Variants in ARHGAP15 observed in about 807,000 individuals in gnomAD.
ARHGAP15 encodes Rho GTPase activating protein 15.
In ARHGAP15, 51 loss-of-function variants were observed where a neutral mutation model predicts 63.7. The ratio of observed to expected loss-of-function variants is 0.80; its 90% CI spans 0.64 to 1.01. The LOEUF (loss-of-function observed/expected upper bound fraction) is 1.01. Ranked by LOEUF, ARHGAP15 falls within the 50% of genes least tolerant of loss-of-function variation. The probability of loss-of-function intolerance (pLI) is 0.00; values close to 1 mark genes in which losing one functional copy is unlikely to be tolerated. For missense variants in ARHGAP15, 560 were observed against 564.6 expected, an observed-to-expected ratio of 0.99 and a Z score of 0.08; for synonymous variants, 191 against 193.8, an observed-to-expected ratio of 0.99 and a Z score of 0.12.
intron 6 of ARHGAP15, among the ~76,000 whole-genome samples, chr2:143,338,255 C>T (rs1684895968): frequency 6.6e-6 from 1 of 152,082 alleles, no homozygotes; most frequent in South Asian, 2.1e-4. Context: ...CTGTAGTAAC[C>T]TGCCTTGAAA....
chr2:143,418,717 T>A (rs1996445), intron 6 of ARHGAP15, among the ~76,000 whole-genome samples: 135,118 of 152,228 alleles, frequency 0.89, 60,384 homozygotes, highest in Middle Eastern at 0.97. Flanking sequence ...AATAAGGTTG[T>A]CCCATGAACA....
intron 6 of ARHGAP15, among the ~76,000 whole-genome samples, chr2:143,435,068 C>A (rs2105088082): frequency 6.6e-6 from 1 of 152,094 alleles, no homozygotes; most frequent in South Asian, 2.1e-4. Flanking sequence ...TCCTATAGAT[C>A]TCTGATAAGA....
intron 1 of ARHGAP15, among the ~76,000 whole-genome samples, chr2:143,144,714 T>C (rs1306840658): frequency 3.3e-5 from 5 of 152,020 alleles, no homozygotes; most frequent in African/African-American, 1.2e-4. Context: ...CTCATTTATC[T>C]CTCACTATTT....
chr2:143,631,345 G>T (rs1699062553), intron 12 of ARHGAP15, among the ~76,000 whole-genome samples: 1 of 152,058 alleles, frequency 6.6e-6, no homozygotes, highest in South Asian at 2.1e-4. Context: ...ATACTTAGAA[G>T]TGGAGAGCTG....
rs1168689339 is a variant in ARHGAP15 at position 143,343,694 on chromosome 2, A to C, written c.475-91907A>C. Among the ~76,000 whole-genome samples the C allele has an allele frequency of 3.3e-5, 5 of 152,066 alleles. No homozygotes were observed. In the East Asian group the frequency reaches 9.7e-4, roughly 29 times the overall value. On this transcript the variant is annotated intron_variant, in intron 6 of 13. Coordinates refer to ENST00000295095, the MANE Select transcript of ARHGAP15 (RefSeq NM_018460.4). ...TAAATATTGACAGATTGAGAAAATA[A>C]ATAACTGAGTGATGGAGCAGCTCTA...
At chr2:143,697,611 T>C (rs1683909695) in intron 12 of ARHGAP15, among the ~76,000 whole-genome samples, 1 of 152,184 alleles carries the variant, frequency 6.6e-6, no homozygotes, top group South Asian at 2.1e-4. Context: ...TTGAAGCATG[T>C]GTATATTTGT....
At chr2:143,679,707 G>A (rs547977257) in intron 12 of ARHGAP15, among the ~76,000 whole-genome samples, 8 of 151,794 alleles carry the variant, frequency 5.3e-5, no homozygotes, top group African/African-American at 1.5e-4. Flanking sequence ...GCAAGCTTAG[G>A]TCCTCAGGTG....
chr2:143,256,899 C>A (rs897719766), intron 6 of ARHGAP15, among the ~76,000 whole-genome samples: 3 of 151,936 alleles, frequency 2.0e-5, no homozygotes, highest in African/African-American at 7.2e-5. Context: ...TTAGCTTTGA[C>A]TGATGAAAGG....
Position 143,261,300 on chromosome 2 carries a change from GACAGCTGT to G in ARHGAP15, c.474+10702_474+10709del, listed in dbSNP as rs1680702432. On this transcript the variant is annotated intron_variant, in intron 6 of 13. Transcript: ENST00000295095. ...TGTTTATGCTAAATTTTATGACAGT[GACAGCTGT>G]ATCTTGGAGGAATGACCTTTTTTTT... 2.0e-5 allele frequency among the ~76,000 whole-genome samples: 3 copies of G among 146,886 alleles called. No homozygotes were observed. In the South Asian group the frequency reaches 6.6e-4, roughly 32 times the overall value.
At chr2:143,592,526 T>TA (rs1697359959) in intron 11 of ARHGAP15, among the ~76,000 whole-genome samples, 1 of 152,166 alleles carries the variant, frequency 6.6e-6, no homozygotes, top group Admixed American at 6.5e-5. Flanking sequence ...GAAAGAGAAT[T>TA]GGAGAGTGGA....
chr2:143,395,819 G>A (rs886349294), intron 6 of ARHGAP15, among the ~76,000 whole-genome samples: 1 of 152,096 alleles, frequency 6.6e-6, no homozygotes, highest in Admixed American at 6.6e-5. Context: ...GAGGTAGACA[G>A]AAACGTAATA....
intron 2 of ARHGAP15, among the ~76,000 whole-genome samples, chr2:143,183,743 A>G (rs1218181057): frequency 2.7e-5 from 4 of 149,600 alleles, no homozygotes; most frequent in African/African-American, 9.8e-5. Flanking sequence ...TTTTAAAGCT[A>G]AAGATGAAAT....
chr2:143,451,852 A>C (rs938572714), intron 8 of ARHGAP15, among the ~76,000 whole-genome samples: 1 of 151,962 alleles, frequency 6.6e-6, no homozygotes, highest in African/African-American at 2.4e-5. Context: ...TCTCTTCTTT[A>C]CAAGTGTAGT....
At chr2:143,222,412 A>G (rs1558823327) in intron 4 of ARHGAP15, among the ~76,000 whole-genome samples, 2 of 152,158 alleles carry the variant, frequency 1.3e-5, no homozygotes, top group African/African-American at 4.8e-5. Flanking sequence ...TTGGTTTGCC[A>G]CTCTGTCATT....
intron 6 of ARHGAP15, among the ~76,000 whole-genome samples, chr2:143,252,969 T>A (rs114421794): frequency 1.2e-4 from 19 of 152,176 alleles, no homozygotes; most frequent in African/African-American, 4.6e-4. Context: ...ATGTGTGCAA[T>A]GGTTTCATTA....
chr2:143,248,126 TAGG>T (rs568779043), intron 5 of ARHGAP15, among the ~76,000 whole-genome samples: 74 of 152,180 alleles, frequency 4.9e-4, no homozygotes, highest in African/African-American at 1.7e-3. Flanking sequence ...TAATTTCAGT[TAGG>T]AGGAGGGCTG....
chr2:143,413,927 T>TTG (rs1553476588), intron 6 of ARHGAP15, among the ~76,000 whole-genome samples: 9,375 of 127,926 alleles, frequency 0.073, 506 homozygotes, highest in Admixed American at 0.14. Flanking sequence ...AGGTAGGTAG[T>TTG]TGTGTGTGTG....
intron 5 of ARHGAP15, chr2:143,235,895 A>C: frequency 2.6e-6 from 4 of 1,519,294 alleles, no homozygotes; most frequent in Non-Finnish European, 3.5e-6. Flanking sequence ...TGACTCTAGC[A>C]CTTCATTTGC....
chr2:143,449,469 T>G (rs1690295183), intron 8 of ARHGAP15, among the ~76,000 whole-genome samples: 1 of 152,138 alleles, frequency 6.6e-6, no homozygotes, highest in Non-Finnish European at 1.5e-5. Flanking sequence ...TAAATTTCTT[T>G]ATTTTTATGT....
Sources: allele counts gnomAD v4.1 joint callset (sites outside exome capture counted in the v4.1 genomes callset), GRCh38; gene constraint gnomAD v4.1.1; transcripts MANE v1.5; gene names NCBI Gene and HGNC (gene_info 2026-07-23, HGNC 2026-07-21).